Variants in FMNL1 observed in about 807,000 individuals in gnomAD.
The protein encoded by FMNL1 is formin like 1.
In FMNL1, 43 loss-of-function variants were observed where a neutral mutation model predicts 121.3. The ratio of observed to expected loss-of-function variants is 0.35; its 90% CI spans 0.28 to 0.46. The LOEUF (loss-of-function observed/expected upper bound fraction) is 0.46. Among genes scored for constraint, FMNL1 ranks in the 20% least tolerant of loss-of-function variants. The probability of loss-of-function intolerance (pLI) is 1.00; values close to 1 mark genes in which losing one functional copy is unlikely to be tolerated. For missense variants in FMNL1, 1,191 were observed against 1,482.4 expected, an observed-to-expected ratio of 0.80 and a Z score of 3.23; for synonymous variants, 613 against 613.5, an observed-to-expected ratio of 1.00 and a Z score of 0.01.
intron 6 of FMNL1, chr17:45,234,419 C>A: frequency 1.5e-6 from 1 of 648,566 alleles, no homozygotes; most frequent in East Asian, 3.3e-5. Flanking sequence ...AATCCCAGCA[C>A]TTTGGGAGAC....
chr17:45,237,019 G>A lies in FMNL1; in HGVS notation c.724-262G>A, dbSNP rs1037119388. The stretch of plus-strand genomic sequence containing the variant: ...TGTAATCCCAGCTACATGGGAAGCT[G>A]AGTCAGGAGAATCACTTGAACCCGG... On this transcript the variant is annotated intron_variant, in intron 7 of 26. Coordinates refer to ENST00000331495, the MANE Select transcript of FMNL1 (RefSeq NM_005892.4). This position sits in a 1 kb window ranked among gnomAD's most constrained non-coding sequence, Gnocchi z 4.4. Among the ~76,000 whole-genome samples the A allele has an allele frequency of 6.6e-6, 1 of 152,180 alleles. No individual in the cohort carries two copies.
At chr17:45,234,537 G>A (rs566389262) in intron 6 of FMNL1, 82 of 350,126 alleles carry the variant, frequency 2.3e-4, no homozygotes, top group African/African-American at 1.7e-3. Flanking sequence ...GGTGGTGCAC[G>A]CCTGTAATCC....
At chr17:45,240,434 C>A in intron 11 of FMNL1, 42 bp from the exon 12 acceptor site, 1 of 1,545,744 alleles carries the variant, frequency 6.5e-7, no homozygotes, top group Non-Finnish European at 8.8e-7. Flanking sequence ...CCCCCCCACA[C>A]ACACACCAGG....
chr17:45,228,034 G>A (rs9889614), intron 1 of FMNL1, among the ~76,000 whole-genome samples: 45,364 of 151,802 alleles, frequency 0.3, 7,968 homozygotes, highest in East Asian at 0.48. Context: ...CCAACTCTCC[G>A]TGTGTCCCCC....
At chr17:45,223,965 G>A (rs748740208) in intron 1 of FMNL1, among the ~76,000 whole-genome samples, 1 of 152,152 alleles carries the variant, frequency 6.6e-6, no homozygotes, top group Non-Finnish European at 1.5e-5. Context: ...GTGATTGGCT[G>A]AGTCTGACAC....
chr17:45,241,915 C>T lies in FMNL1; in HGVS notation c.1654C>T (p.Pro552Ser). 8.6e-6 allele frequency: 12 copies of T among 1,401,854 alleles called. No homozygotes were observed. The highest frequency in any genetic ancestry group is 1.1e-5 in the Non-Finnish European group (12 of 1,087,542). 86.8% of individuals were successfully genotyped at this position (1,401,854 alleles called of 1,614,324 possible). The change falls in exon 15 of 27, where the codon CCC becomes TCC. Residue 552 changes from proline (P) to serine (S), a missense_variant. By Grantham distance (74) the Pro-to-Ser change is moderately conservative (BLOSUM62 -1). This residue lies in a region of FMNL1 where 519 missense variants were observed against 492.8 expected (regional missense o/e 1.05). Coordinates refer to ENST00000331495, the MANE Select transcript of FMNL1 (RefSeq NM_005892.4). The surrounding 1 kb of genome is among the most constrained non-coding windows in gnomAD (Gnocchi z 7.0). ...GCCGCCGCCCCCACTGCCCGGCCTC[C>T]CCTCCCCGCAGGAAGCCCCGCCCTC... The part of the protein sequence containing the change: ...PPPPPPLPGL[P>S]SPQEAPPSAP...
chr17:45,242,955 G>A lies in FMNL1; in HGVS notation c.2011-163G>A, dbSNP rs556976149. ...GGCCCTCCTCCTCCAGGCTCCCTGT[G>A]CTTCCCCTGTGCCTCCCATCAGGGC... On this transcript the variant is annotated intron_variant, in intron 16 of 26. Coordinates refer to ENST00000331495, the MANE Select transcript of FMNL1 (RefSeq NM_005892.4). Among the ~76,000 whole-genome samples, 243 of 152,262 alleles carry A rather than the reference G, an allele frequency of 1.6e-3. 1 individual carries two copies. Among genetic ancestry groups the A allele is most frequent in the African/African-American group, 5.7e-3 (238 of 41,548 alleles).
chr17:45,238,741 A>G, intron 10 of FMNL1, 103 bp downstream of exon 10: 2 of 1,441,490 alleles, frequency 1.4e-6, no homozygotes, highest in African/African-American at 1.4e-5. Context: ...GCCCCCGCAA[A>G]GCGTAAGGAC....
At chr17:45,239,189 G>C (rs1272579615) in intron 11 of FMNL1, 124 bp downstream of exon 11, 3 of 752,980 alleles carry the variant, frequency 4.0e-6, no homozygotes, top group Non-Finnish European at 7.0e-6. Flanking sequence ...GCCGTTGCCT[G>C]CCGTGTGACC....
intron 1 of FMNL1, among the ~76,000 whole-genome samples, chr17:45,223,429 T>C (rs2043269146): frequency 6.6e-6 from 1 of 152,214 alleles, no homozygotes; most frequent in Admixed American, 6.5e-5. Context: ...CCTGAAAATG[T>C]TGGCTTCTGT....
intron 1 of FMNL1, among the ~76,000 whole-genome samples, chr17:45,228,692 C>A (rs2043378367): frequency 6.6e-6 from 1 of 152,154 alleles, no homozygotes; most frequent in South Asian, 2.1e-4. Flanking sequence ...CTAGTTACTG[C>A]CCCTAGAAAT....
chr17:45,233,517 A>G lies in FMNL1; in HGVS notation c.402-131A>G, dbSNP rs1212711387. On this transcript the variant is annotated intron_variant, in intron 4 of 26. Transcript: ENST00000331495. The surrounding 1 kb of genome is among the most constrained non-coding windows in gnomAD (Gnocchi z 4.1). ...GCTGTGGGACCCACCTGAGTCTCCC[A>G]GAATCCTTTGGTATCATTGGGTCTT... 2 of 1,127,808 alleles carry G rather than the reference A, an allele frequency of 1.8e-6. No individual in the cohort carries two copies. Among genetic ancestry groups the G allele is most frequent in the African/African-American group, 3.1e-5 (2 of 64,470 alleles). The allele number at this position is 1,127,808 out of a possible 1,614,324, so 69.9% of individuals were successfully genotyped here.
chr17:45,241,266 G>C lies in FMNL1; in HGVS notation c.1332+36G>C. The C allele has an allele frequency of 1.2e-6, 2 of 1,613,588 alleles. No individual in the cohort carries two copies. Among genetic ancestry groups the C allele is most frequent in the Non-Finnish European group, 1.7e-6 (2 of 1,179,842 alleles). On this transcript the variant is annotated intron_variant, in intron 13 of 26. Transcript: ENST00000331495. The surrounding 1 kb of genome is among the most constrained non-coding windows in gnomAD (Gnocchi z 7.0). ...GGCGGGTGGTAGGCCAGGCGCCCAA[G>C]AACAGGCCAGCTGAGGCTTCTAGGC...
chr17:45,231,670 G>A lies in FMNL1; in HGVS notation c.214-697G>A, dbSNP rs1050631042. On this transcript the variant is annotated intron_variant, in intron 2 of 26. Transcript: ENST00000331495. The surrounding 1 kb of genome is among the most constrained non-coding windows in gnomAD (Gnocchi z 4.7). ...TCCCTGCCTCTTTGTGTGAGTGGCC[G>A]CTGGAGCCTGCAGTGGGGTGGGGGG... Among the ~76,000 whole-genome samples, 5 of 152,098 alleles carry A rather than the reference G, an allele frequency of 3.3e-5. No homozygotes were observed. Among genetic ancestry groups the A allele is most frequent in the Non-Finnish European group, 7.4e-5 (5 of 67,984 alleles).
chr17:45,236,144 C>T lies in FMNL1; in HGVS notation c.623C>T (p.Pro208Leu), dbSNP rs374960639. ...KSRHLTIKLT[P>L]AHSRKALRNS... ...CTCCACACCCCGCCCAGGCTGACCCCAGCCCACAGCAGGAAGGCCCTGCGG... is the reference window on the plus strand; with the variant it reads ...CTCCACACCCCGCCCAGGCTGACCCTAGCCCACAGCAGGAAGGCCCTGCGG... The change falls in exon 7 of 27, where the codon CCA becomes CTA. Residue 208 changes from proline (P) to leucine (L), a missense_variant. Pro to Leu is a moderately conservative substitution (Grantham distance 98, BLOSUM62 -3). Transcript: ENST00000331495. 6 of 1,611,926 alleles carry T rather than the reference C, an allele frequency of 3.7e-6. No homozygotes were observed. The African/African-American group carries it at 8.0e-5, about 22-fold the overall frequency.
intron 6 of FMNL1, chr17:45,234,663 CAAAAAAAA>C (rs58221219): frequency 1.2e-4 from 8 of 69,158 alleles, no homozygotes; most frequent in South Asian, 5.5e-4. Context: ...GACCCTGTCT[CAAAAAAAA>C]AAAAAAAAAA....
In FMNL1 at chr17:45,237,656, C is replaced by G; in HGVS notation, c.894+17C>G. ...TTCAAGGAGGTACCGGAGTCCCTCA[C>G]CCAAACATGCATTTCCCCCTATGGT... On this transcript the variant is annotated intron_variant, in intron 9 of 26. Transcript: ENST00000331495. The surrounding 1 kb of genome is among the most constrained non-coding windows in gnomAD (Gnocchi z 4.4). 6.2e-7 allele frequency: 1 copy of G among 1,612,692 alleles called. No individual in the cohort carries two copies. The highest frequency in any genetic ancestry group is 8.5e-7 in the Non-Finnish European group (1 of 1,178,778).
At chr17:45,223,080 G>T (rs907515338) in intron 1 of FMNL1, among the ~76,000 whole-genome samples, 7 of 152,306 alleles carry the variant, frequency 4.6e-5, no homozygotes, top group South Asian at 4.1e-4. Context: ...TAAGGCAGAA[G>T]TAGGGAGAGG....
In FMNL1 at chr17:45,234,147, C is replaced by T. The variant is rs750681404; in HGVS notation, c.561C>T (p.Asp187=). 5 of 1,614,044 alleles carry T rather than the reference C, an allele frequency of 3.1e-6. No homozygotes were observed. The African/African-American group carries it at 4.0e-5, about 13-fold the overall frequency. The change falls in exon 6 of 27, where the codon GAC becomes GAT. Residue 187 remains aspartate, a synonymous_variant. Coordinates refer to ENST00000331495, the MANE Select transcript of FMNL1 (RefSeq NM_005892.4). ...AGCCCCTGGAGCAGTCTGTGGAAGA[C>T]CTCAGCAAGGGTCCACCCTCCTCCG... ...KNKPLEQSVE[D]LSKGPPSSVP...
Sources: allele counts gnomAD v4.1 joint callset (sites outside exome capture counted in the v4.1 genomes callset), GRCh38; gene constraint gnomAD v4.1.1; regional missense constraint gnomAD v4.1.1; non-coding constraint Gnocchi (gnomAD v3.1); transcripts MANE v1.5; gene names NCBI Gene and HGNC (gene_info 2026-07-23, HGNC 2026-07-21).